The following C1orf35 variants were observed in gnomAD, a reference collection of about 807,000 sequenced individuals.
C1orf35 encodes the protein multiple myeloma tumor-associated protein 2.
C1orf35 carries 36 observed loss-of-function variants against 30.9 expected under a neutral mutation model. The ratio of observed to expected loss-of-function variants is 1.16; its 90% confidence interval spans 0.89 to 1.54. The LOEUF is 1.54. Ranked by LOEUF, C1orf35 falls within the 40% of genes most tolerant of loss-of-function variation. The pLI is 0.00. For synonymous variants in C1orf35, 179 were observed against 148.2 expected (o/e 1.21, Z -1.51); for missense variants, 396 against 358.7 (o/e 1.10, Z -0.84).
At chr1:228,101,994 C>A in intron 6 of C1orf35, 86 bp downstream of exon 6, 1 of 1,432,112 alleles carries the variant, frequency 7.0e-7, no homozygotes, top group Non-Finnish European at 9.1e-7. Context: ...CCAAGAGAAG[C>A]TGCCACCTGC....
chr1:228,101,486 T>C lies in C1orf35; in HGVS notation c.534-13A>G. ...GTGGCTCTCACAACTACAAGGAGGA[T>C]ACAAGGTGTGCCTCAGACCCTAGTC... On this transcript the variant is annotated splice_polypyrimidine_tract_variant and intron_variant, in intron 6 of 7. Coordinates refer to ENST00000272139, the MANE Select transcript of C1orf35 (RefSeq NM_024319.4). 1 of 1,610,782 alleles carries C rather than the reference T, an allele frequency of 6.2e-7. No homozygotes were observed. Among genetic ancestry groups the C allele is most frequent in the Non-Finnish European group, 8.5e-7 (1 of 1,179,946 alleles).
rs79502515 is a variant in C1orf35, at chr1:228,101,195, C to A, written c.728G>T (p.Arg243Leu). Residue 243 changes from arginine (R) to leucine (L), a missense_variant, in exon 8 of 8, where the codon CGG becomes CTG. Arg to Leu is a moderately radical substitution (Grantham distance 102, BLOSUM62 -2). Transcript: ENST00000272139. The stretch of plus-strand genomic sequence containing the variant: ...GCTCCTCCTGTCCCCACTGTGTCCC[C>A]GCTTCCTCCTCTTACAGCAGGGGGA... Reference protein sequence around the residue: ...SNSPCCKRRKRGHSGDRRSPS... With the variant: ...SNSPCCKRRKLGHSGDRRSPS... 1 of 1,614,174 alleles carries A rather than the reference C, an allele frequency of 6.2e-7. No individual in the cohort carries two copies. The highest frequency in any genetic ancestry group is 1.7e-5 in the Admixed American group (1 of 60,030).
rs775760778 is a variant in C1orf35, at chr1:228,101,136, C to A, written c.787G>T (p.Ala263Ser). Residue 263 changes from alanine (A) to serine (S), a missense_variant, in exon 8 of 8, where the codon GCC becomes TCC. Physicochemically the swap from Ala to Ser is moderately conservative, Grantham distance 99. Transcript: ENST00000272139. Reference sequence around the variant, plus strand: ...CAGTGAGCAGGGTCCAGCCATCAGGCCTCAGAGCCTCTGTCATGCCACCTG... The same window carrying A: ...CAGTGAGCAGGGTCCAGCCATCAGGACTCAGAGCCTCTGTCATGCCACCTG... ...SRRWHDRGSE[A>S] 1.2e-6 allele frequency: 2 copies of A among 1,613,110 alleles called. No homozygotes were observed. The highest frequency in any genetic ancestry group is 2.7e-5 in the African/African-American group (2 of 74,922).
intron 6 of C1orf35, chr1:228,101,795 G>C (rs1253942406): frequency 1.4e-6 from 2 of 1,410,902 alleles, no homozygotes; most frequent in African/African-American, 2.9e-5. Flanking sequence ...AGAAGCCCTG[G>C]AGGTGCCACC....
intron 6 of C1orf35, 54 bp downstream of exon 6, chr1:228,102,026 C>A: frequency 1.4e-6 from 2 of 1,465,024 alleles, no homozygotes; most frequent in South Asian, 2.7e-5. Context: ...CCGCTCCGGT[C>A]CTCCCGAGAC....
intron 2 of C1orf35, 39 bp downstream of exon 2, chr1:228,102,860 C>G (rs1405870414): frequency 1.4e-6 from 2 of 1,379,584 alleles, no homozygotes; most frequent in Non-Finnish European, 1.9e-6. Flanking sequence ...CCGGCAGCGC[C>G]GTCCCAGGCA....
intron 2 of C1orf35, 31 bp downstream of exon 2, chr1:228,102,868 G>A: frequency 7.3e-7 from 1 of 1,377,362 alleles, no homozygotes. Flanking sequence ...GCCGTCCCAG[G>A]CACCGACCGC....
Position 228,103,295 on chromosome 1 carries a change from A to C in C1orf35, c.-68T>G. On this transcript the variant is annotated 5_prime_UTR_variant, in exon 1 of 8. Transcript: ENST00000272139. ...TGCAACCCGCAACCCGAGACCCGCT[A>C]CCCACTACCGTCGGACCCAGGCCCG... 6.4e-7 allele frequency: 1 copy of C among 1,557,348 alleles called. No individual in the cohort carries two copies. The highest frequency in any genetic ancestry group is 1.2e-5 in the South Asian group (1 of 86,718).
chr1:228,102,049 G>A (rs1350192755), intron 6 of C1orf35, 31 bp downstream of exon 6: 1 of 1,519,156 alleles, frequency 6.6e-7, no homozygotes, highest in Non-Finnish European at 8.8e-7. Flanking sequence ...CCCACCCCGG[G>A]GCACAGCTAG....
In C1orf35 at chr1:228,101,453, C is replaced by T. The variant is rs1374560210; in HGVS notation, c.554G>A (p.Ser185Asn). 6.2e-7 allele frequency: 1 copy of T among 1,613,082 alleles called. No individual in the cohort carries two copies. Among genetic ancestry groups the T allele is most frequent in the Admixed American group, 1.7e-5 (1 of 59,984 alleles). The change falls in exon 7 of 8, where the codon AGC (serine) becomes AAC (asparagine). Residue 185 changes from serine to asparagine, a missense_variant. Physicochemically the swap from Ser to Asn is conservative, Grantham distance 46. Transcript: ENST00000272139. ...TESSCESHRK[S>N]KKEKKKKKKR... is the part of the protein sequence containing the mutation. The stretch of plus-strand genomic sequence containing the variant: ...TTTCTTTTTCTTCTTCTCCTTCTTG[C>T]TTTTCCTGTGGCTCTCACAACTACA...
At chr1:228,102,801 G>GCGGCCCCCCCCCCCCC in intron 2 of C1orf35, 98 bp downstream of exon 2, 1 of 1,374,112 alleles carries the variant, frequency 7.3e-7, no homozygotes, top group Non-Finnish European at 9.6e-7. Context: ...CCGCAGCCCC[G>GCGGCCCCCCCCCCCCC]CTCCCGCCCA....
Position 228,101,135 on chromosome 1 carries a change from G to T in C1orf35, c.788C>A (p.Ala263Asp). ...SRRWHDRGSE[A>D] ...GCAGTGAGCAGGGTCCAGCCATCAG[G>T]CCTCAGAGCCTCTGTCATGCCACCT... The change falls in exon 8 of 8, where the codon GCC (alanine) becomes GAC (aspartate). Residue 263 changes from alanine (A) to aspartate (D), a missense_variant. By Grantham distance (126) the Ala-to-Asp change is moderately radical (BLOSUM62 -2). Coordinates refer to ENST00000272139, the MANE Select transcript of C1orf35 (RefSeq NM_024319.4). 6.2e-7 allele frequency: 1 copy of T among 1,613,164 alleles called. No homozygotes were observed.
Position 228,103,280 on chromosome 1 carries a change from A to AACCCGAGACCCGCT in C1orf35, c.-67_-54dup. The stretch of plus-strand genomic sequence containing the variant: ...CTGCGGCTTGCAACCTGCAACCCGC[A>AACCCGAGACCCGCT]ACCCGAGACCCGCTACCCACTACCG... On this transcript the variant is annotated 5_prime_UTR_variant, in exon 1 of 8. Coordinates refer to ENST00000272139, the MANE Select transcript of C1orf35 (RefSeq NM_024319.4). 1 of 1,589,124 alleles carries AACCCGAGACCCGCT rather than the reference A, an allele frequency of 6.3e-7. No homozygotes were observed. The highest frequency in any genetic ancestry group is 2.3e-5 in the East Asian group (1 of 43,758).
In C1orf35 at chr1:228,103,015, C is replaced by G. The variant is rs762665325; in HGVS notation, c.129G>C (p.Gln43His). ...CGTACCAGGTGAGGTCGCGGCCCTT[C>G]TGCCAGCGGCCTACCGGCGCCATCA... ...NSLMAPVGRW[Q>H]KGRDLTWYAK... Residue 43 changes from glutamine (Q) to histidine (H), a missense_variant, in exon 2 of 8, where the codon CAG (glutamine) becomes CAC (histidine). By Grantham distance (24) the Gln-to-His change is conservative (BLOSUM62 0). Transcript: ENST00000272139. 6.3e-7 allele frequency: 1 copy of G among 1,580,148 alleles called. No homozygotes were observed. The highest frequency in any genetic ancestry group is 2.3e-5 in the East Asian group (1 of 42,926).
At chr1:228,103,094 G>C (rs780175129) in intron 1 of C1orf35, 40 bp downstream of exon 1, 2 of 1,602,116 alleles carry the variant, frequency 1.2e-6, no homozygotes, top group South Asian at 1.1e-5. Context: ...CCGGGATCCC[G>C]GAGCCCGGAG....
rs774658722 is a variant in C1orf35 at position 228,103,264 on chromosome 1, G to A, written c.-37C>T. The A allele has an allele frequency of 3.2e-5, 51 of 1,601,734 alleles. No individual in the cohort carries two copies. The South Asian group carries it at 5.0e-4, about 16-fold the overall frequency. ...GGCAGTTGCCTGGGGCCTGCGGCTT[G>A]CAACCTGCAACCCGCAACCCGAGAC... On this transcript the variant is annotated 5_prime_UTR_variant, in exon 1 of 8. Coordinates refer to ENST00000272139, the MANE Select transcript of C1orf35 (RefSeq NM_024319.4).
At chr1:228,102,825 TC>T in intron 2 of C1orf35, 73 bp downstream of exon 2, 1 of 677,874 alleles carries the variant, frequency 1.5e-6, no homozygotes, top group East Asian at 5.0e-5. Flanking sequence ...CGACCCCCAG[TC>T]CCCGGCCCCG....
rs942727658 is a variant in C1orf35, at chr1:228,102,354, G to C, written c.403C>G (p.Arg135Gly). Residue 135 changes from arginine (R) to glycine (G), a missense_variant, in exon 5 of 8, where the codon CGA becomes GGA. Arg to Gly is a moderately radical substitution (Grantham distance 125, BLOSUM62 -2). Coordinates refer to ENST00000272139, the MANE Select transcript of C1orf35 (RefSeq NM_024319.4). The stretch of plus-strand genomic sequence containing the variant: ...AGTTTGGCGGCCTCCTTGTCCTCTC[G>C]GGACATCGCCACGCGGCCCACGGAG... ...SGSVGRVAMS[R>G]EDKEAAKLGL... The C allele has an allele frequency of 3.7e-6, 6 of 1,611,236 alleles. No individual in the cohort carries two copies. The highest frequency in any genetic ancestry group is 5.1e-6 in the Non-Finnish European group (6 of 1,179,662).
rs755555576 is a variant in C1orf35 at position 228,101,348 on chromosome 1, G to C, written c.659C>G (p.Ser220Cys). 1.2e-6 allele frequency: 2 copies of C among 1,614,040 alleles called. No homozygotes were observed. The highest frequency in any genetic ancestry group is 2.7e-5 in the African/African-American group (2 of 74,924). The change falls in exon 7 of 8, where the codon TCT (serine) becomes TGT (cysteine). Residue 220 changes from serine to cysteine, a missense_variant. Ser to Cys is a moderately radical substitution (Grantham distance 112). Transcript: ENST00000272139. ...ATGGACCAGGGCATACCTCTCAGGA[G>C]ATGTGGGAGAGGAGGTGGCCTCAGC... ...RPAEATSSPT[S>C]PERPRHHHHD...
Sources: allele counts gnomAD v4.1 joint callset, GRCh38; gene constraint gnomAD v4.1.1; transcripts MANE v1.5; gene names NCBI Gene and HGNC (gene_info 2026-07-23, HGNC 2026-07-21).